Variants in BAG3 observed in about 807,000 individuals in gnomAD.
The protein encoded by BAG3 is BAG family molecular chaperone regulator 3.
A neutral mutation model predicts 40.5 loss-of-function variants in BAG3; 14 were observed. The ratio of observed to expected loss-of-function variants is 0.35; its 90% CI spans 0.23 to 0.54. The LOEUF is 0.54. Ranked by LOEUF, BAG3 falls within the 20% of genes least tolerant of loss-of-function variation. The pLI is 0.91. For missense variants in BAG3, 788 were observed against 758.6 expected, an observed-to-expected ratio of 1.04 and a Z score of -0.46; for synonymous variants, 302 against 307.8, an observed-to-expected ratio of 0.98 and a Z score of 0.20.
chr10:119,651,649 G>T lies in BAG3; in HGVS notation c.-27G>T, dbSNP rs1846840993. On this transcript the variant is annotated 5_prime_UTR_variant, in exon 1 of 4. Coordinates refer to ENST00000369085, the MANE Select transcript of BAG3 (RefSeq NM_004281.4). Reference sequence around the variant, plus strand: ...CCCGGAGCCAGCGCCCCGCACCCGCGCCCCAGCGGGCAGACCCCAACCCAG... The same window carrying T: ...CCCGGAGCCAGCGCCCCGCACCCGCTCCCCAGCGGGCAGACCCCAACCCAG... 10 of 1,516,502 alleles carry T rather than the reference G, an allele frequency of 6.6e-6. No homozygotes were observed. The East Asian group carries it at 2.8e-4, about 42-fold the overall frequency. 93.9% of individuals were successfully genotyped at this position (1,516,502 alleles called of 1,614,324 possible). A position where few individuals can be genotyped will look rare whatever the true frequency, so the allele number is the denominator to read the frequency against.
At chr10:119,675,725 C>T (rs1847208456) in intron 3 of BAG3, among the ~76,000 whole-genome samples, 1 of 150,260 alleles carries the variant, frequency 6.7e-6, no homozygotes, top group African/African-American at 2.5e-5. Flanking sequence ...CAGCAGTCAG[C>T]ATGAGTTTTT....
At chr10:119,664,510 T>G (rs918290330) in intron 1 of BAG3, among the ~76,000 whole-genome samples, 1 of 152,338 alleles carries the variant, frequency 6.6e-6, no homozygotes, top group African/African-American at 2.4e-5. Flanking sequence ...ATAAGGATAA[T>G]GAGCTCTGAG....
intron 1 of BAG3, among the ~76,000 whole-genome samples, chr10:119,656,378 CTTT>C (rs34602155): frequency 3.9e-5 from 5 of 126,864 alleles, no homozygotes; most frequent in Non-Finnish European, 3.3e-5. Flanking sequence ...AGCTGGCCTT[CTTT>C]TTTTTTTTTT....
chr10:119,659,871 C>T (rs1846968847), intron 1 of BAG3, among the ~76,000 whole-genome samples: 2 of 152,312 alleles, frequency 1.3e-5, no homozygotes, highest in South Asian at 2.1e-4. Context: ...CAGATAGTTT[C>T]CATCTGTGAT....
In BAG3 at chr10:119,672,325, G is replaced by A. The variant is rs752722473; in HGVS notation, c.578G>A (p.Arg193Lys). 1.2e-5 allele frequency: 20 copies of A among 1,613,956 alleles called. No individual in the cohort carries two copies. Among genetic ancestry groups the A allele is most frequent in the Non-Finnish European group, 1.6e-5 (19 of 1,180,026 alleles). The change falls in exon 3 of 4, where the codon AGG becomes AAG. Residue 193 changes from arginine (R) to lysine (K), a missense_variant. Physicochemically the swap from Arg to Lys is conservative, Grantham distance 26 (BLOSUM62 2). Transcript: ENST00000369085. The surrounding 1 kb of genome is among the most constrained non-coding windows in gnomAD (Gnocchi z 4.8). ...TCGGCCAGCCTGCCTTCCTCCGGCA[G>A]GAGCAGCCTGGGCAGTCACCAGCTC... is the stretch of plus-strand genomic sequence containing the variant. ...SSSASLPSSG[R>K]SSLGSHQLPR... is the part of the protein sequence containing the mutation.
intron 3 of BAG3, 120 bp from the exon 4 acceptor site, chr10:119,676,344 A>G: frequency 1.0e-6 from 1 of 1,000,700 alleles, no homozygotes. Context: ...AATCTTTTAT[A>G]CTATTAAACT....
chr10:119,667,419 C>T (rs1426941530), intron 1 of BAG3, among the ~76,000 whole-genome samples: 4 of 152,308 alleles, frequency 2.6e-5, no homozygotes, highest in Non-Finnish European at 4.4e-5. Flanking sequence ...AACATTTCTC[C>T]AGGGCAGGTG....
Position 119,665,124 on chromosome 10 carries a change from GTGTA to G in BAG3, c.181-4725_181-4722del, listed in dbSNP as rs1299832702. ...TGTGTGTGTGTGTGTGTGTGTGTGT[GTGTA>G]TATATATATATATATATTTTTTTTT... On this transcript the variant is annotated intron_variant, in intron 1 of 3. Coordinates refer to ENST00000369085, the MANE Select transcript of BAG3 (RefSeq NM_004281.4). 7.0e-4 allele frequency among the ~76,000 whole-genome samples: 37 copies of G among 52,698 alleles called. 1 individual carries two copies. Among genetic ancestry groups the G allele is most frequent in the Admixed American group, 3.4e-3 (18 of 5,270 alleles). The allele number at this position is 52,698 out of a possible 152,430, so 34.6% of individuals were successfully genotyped here.
At chr10:119,654,325 G>A (rs542719163) in intron 1 of BAG3, among the ~76,000 whole-genome samples, 2 of 152,204 alleles carry the variant, frequency 1.3e-5, no homozygotes, top group Non-Finnish European at 2.9e-5. Flanking sequence ...CTGTCAATCA[G>A]TAAAAAGCTG....
chr10:119,666,368 C>T (rs1405798769), intron 1 of BAG3, among the ~76,000 whole-genome samples: 3 of 152,212 alleles, frequency 2.0e-5, no homozygotes, highest in African/African-American at 7.2e-5. Flanking sequence ...CACCACTGCC[C>T]CTGCCTGCAG....
intron 1 of BAG3, among the ~76,000 whole-genome samples, chr10:119,665,092 T>TG (rs34372634): frequency 0.064 from 5,615 of 87,922 alleles, 262 homozygotes; most frequent in Middle Eastern, 0.14. Flanking sequence ...TAATTTTTGT[T>TG]TGTGTGTGTG....
At chr10:119,653,232 G>C (rs1414158141) in intron 1 of BAG3, among the ~76,000 whole-genome samples, 1 of 152,228 alleles carries the variant, frequency 6.6e-6, no homozygotes, top group East Asian at 1.9e-4. Flanking sequence ...ACAAGAGGCT[G>C]TAATTAGCTG....
chr10:119,660,371 G>A (rs1049676881), intron 1 of BAG3, among the ~76,000 whole-genome samples: 6 of 152,204 alleles, frequency 3.9e-5, no homozygotes, highest in Non-Finnish European at 5.9e-5. Context: ...GAGGTGGGTC[G>A]TTTAGGGCTC....
At position 119,677,713 on chromosome 10, in the gene BAG3, C is replaced by G. The variant is rs1310170147; in HGVS notation, c.*431C>G. ...TTCATCTCATAATTAAAATACCTGA[C>G]TTTAGAGAGAGTAAAATGTGCCAGG... On this transcript the variant is annotated 3_prime_UTR_variant, in exon 4 of 4. Transcript: ENST00000369085. 9.3e-6 allele frequency: 2 copies of G among 214,974 alleles called. No individual in the cohort carries two copies. The highest frequency in any genetic ancestry group is 1.0e-4 in the Admixed American group (2 of 19,360). The allele number at this position is 214,974 out of a possible 1,614,324, so 13.3% of individuals were successfully genotyped here. A position where few individuals can be genotyped will look rare whatever the true frequency, so the allele number is the denominator to read the frequency against.
At chr10:119,655,562 T>G (rs958291618) in intron 1 of BAG3, among the ~76,000 whole-genome samples, 3 of 152,208 alleles carry the variant, frequency 2.0e-5, no homozygotes, top group South Asian at 2.1e-4. Context: ...TCTTTCCAGA[T>G]CTATTGCAAG....
chr10:119,669,754 G>A, intron 1 of BAG3, 97 bp from the exon 2 acceptor site: 2 of 1,271,530 alleles, frequency 1.6e-6, no homozygotes, highest in Non-Finnish European at 2.3e-6. Context: ...AAGTCACTCG[G>A]GAAGATCACA....
chr10:119,675,447 C>T (rs1419806860), intron 3 of BAG3, among the ~76,000 whole-genome samples: 3 of 152,186 alleles, frequency 2.0e-5, no homozygotes, highest in Non-Finnish European at 4.4e-5. Context: ...TACAGCACAG[C>T]TATCCTGAAG....
rs1016392639 is a variant in BAG3 at position 119,651,445 on chromosome 10, C to T, written c.-231C>T. On this transcript the variant is annotated 5_prime_UTR_variant, in exon 1 of 4. Coordinates refer to ENST00000369085, the MANE Select transcript of BAG3 (RefSeq NM_004281.4). Reference sequence around the variant, plus strand: ...CCAGAAGTTTCTAGCCGGCCAGTTGCTACCTCCCTTTATCTCCTCCTTCCC... The same window carrying T: ...CCAGAAGTTTCTAGCCGGCCAGTTGTTACCTCCCTTTATCTCCTCCTTCCC... 9.6e-6 allele frequency: 4 copies of T among 417,302 alleles called. No individual in the cohort carries two copies. The highest frequency in any genetic ancestry group is 8.4e-5 in the African/African-American group (4 of 47,646). The allele number at this position is 417,302 out of a possible 1,614,324, so 25.8% of individuals were successfully genotyped here. A position where few individuals can be genotyped will look rare whatever the true frequency, so the allele number is the denominator to read the frequency against.
chr10:119,661,163 G>A (rs891376750), intron 1 of BAG3, among the ~76,000 whole-genome samples: 2 of 152,172 alleles, frequency 1.3e-5, no homozygotes, highest in East Asian at 3.8e-4. Flanking sequence ...GGGAGGCTGA[G>A]GCATGAGAAT....
Sources: gnomAD v4.1 joint callset for allele counts (sites outside exome capture counted in the v4.1 genomes callset) on GRCh38, gnomAD v4.1.1 for gene constraint, Gnocchi (gnomAD v3.1) non-coding constraint, MANE v1.5 for transcripts, NCBI Gene and HGNC (gene_info 2026-07-23, HGNC 2026-07-21) for gene names.